HFM1: variants seen among roughly 807,000 people sequenced by gnomAD.
HFM1 encodes helicase for meiosis 1, also known as probable ATP-dependent DNA helicase HFM1.
A neutral mutation model predicts 192.1 loss-of-function variants in HFM1; 169 were observed. That is an observed-to-expected ratio of 0.88 (90% confidence interval 0.78 to 1.00). The LOEUF is 1.00. Among genes scored for constraint, HFM1 ranks in the 50% least tolerant of loss-of-function variants. HFM1 has a pLI of 0.00. For synonymous variants in HFM1, 525 were observed against 537.8 expected (o/e 0.98, Z 0.33); for missense variants, 1,661 against 1,668.0 (o/e 1.00, Z 0.07).
Position 91,351,575 on chromosome 1 carries a change from T to C in HFM1, c.2046A>G (p.Leu682=), listed in dbSNP as rs771259883. Residue 682 remains leucine, a synonymous_variant, in exon 17 of 39, where the codon TTA becomes TTG. Transcript: ENST00000370425. The stretch of plus-strand genomic sequence containing the variant: ...TGCTTTCTACAGTGTCTCTACAAGC[T>C]AACATCTGAATGTACTTGTCCCTTG... ...LSTRDKYIQM[L]ACRDTVESSL... 3.1e-6 allele frequency: 5 copies of C among 1,594,952 alleles called. No homozygotes were observed. Among genetic ancestry groups the C allele is most frequent in the Non-Finnish European group, 4.3e-6 (5 of 1,168,360 alleles).
chr1:91,362,154 C>T (rs939295690), intron 13 of HFM1, among the ~76,000 whole-genome samples: 2 of 152,154 alleles, frequency 1.3e-5, no homozygotes, highest in Non-Finnish European at 2.9e-5. Context: ...TCCCTTCTCT[C>T]ACCACTCCTA....
chr1:91,289,231 G>A (rs576086354), intron 30 of HFM1, among the ~76,000 whole-genome samples: 21 of 151,722 alleles, frequency 1.4e-4, no homozygotes, highest in African/African-American at 4.8e-4. Flanking sequence ...ACGGGGTCGC[G>A]GCCGGACAGA....
upstream of HFM1, among the ~76,000 whole-genome samples, chr1:91,407,228 G>A (rs1664845685): frequency 6.6e-6 from 1 of 152,108 alleles, no homozygotes; most frequent in Admixed American, 6.5e-5. Context: ...GCTGGGGGAA[G>A]GATAGCATTG....
rs72970366 is a variant in HFM1 at position 91,388,256 on chromosome 1, C to T, written c.495-2422G>A. 2.3e-3 allele frequency among the ~76,000 whole-genome samples: 355 copies of T among 152,188 alleles called. 1 individual carries two copies. The highest frequency in any genetic ancestry group is 8.0e-3 in the African/African-American group (334 of 41,518). On this transcript the variant is annotated intron_variant, in intron 4 of 38. Transcript: ENST00000370425. ...TGGGAAGCCTCAAATTTGTAGTTGG[C>T]CAGACAGAAATGTGGGTAGCCTGGG...
In HFM1 at chr1:91,316,383, A is replaced by AT; in HGVS notation, c.2898+7dup. Reference sequence around the variant, plus strand: ...TAGATGGAATTAGGAATAAGTGAATATAACTACCAATTCAAGTTCCCTTGC... The same window carrying AT: ...TAGATGGAATTAGGAATAAGTGAATATTAACTACCAATTCAAGTTCCCTTGC... On this transcript the variant is annotated splice_region_variant and intron_variant, in intron 26 of 38. Transcript: ENST00000370425. The AT allele has an allele frequency of 6.8e-7, 1 of 1,464,632 alleles. No homozygotes were observed. The highest frequency in any genetic ancestry group is 1.4e-5 in the African/African-American group (1 of 71,264). The allele number at this position is 1,464,632 out of a possible 1,614,324, so 90.7% of individuals were successfully genotyped here.
At chr1:91,297,337 C>A (rs574946062) in intron 30 of HFM1, among the ~76,000 whole-genome samples, 10 of 152,360 alleles carry the variant, frequency 6.6e-5, no homozygotes, top group African/African-American at 2.4e-4. Flanking sequence ...AGGAGGCCTG[C>A]CTGCCTCTGC....
chr1:91,264,465 C>T (rs556318824), intron 36 of HFM1, among the ~76,000 whole-genome samples: 5 of 140,804 alleles, frequency 3.6e-5, no homozygotes, highest in South Asian at 2.3e-4. Flanking sequence ...CTCCGCCTCC[C>T]GGGTTCACGC....
At chr1:91,297,816 G>A (rs1647909446) in intron 30 of HFM1, among the ~76,000 whole-genome samples, 1 of 152,148 alleles carries the variant, frequency 6.6e-6, no homozygotes, top group South Asian at 2.1e-4. Context: ...AAGACCAAAG[G>A]TAGATAAGAC....
At chr1:91,302,865 A>G (rs563374656) in intron 30 of HFM1, among the ~76,000 whole-genome samples, 171 of 152,258 alleles carry the variant, frequency 1.1e-3, no homozygotes, top group African/African-American at 4.0e-3. Context: ...GCACACCAAC[A>G]TGGCACATGT....
rs531202416 is a variant in HFM1 at position 91,370,751 on chromosome 1, C to T, written c.1685+4607G>A. On this transcript the variant is annotated intron_variant, in intron 13 of 38. Transcript: ENST00000370425. ...GGAAGTTCTGGCCAGGGCAATCAGG[C>T]AGGAGAAAGAAATAAAGGGTATTCA... 5.6e-4 allele frequency among the ~76,000 whole-genome samples: 85 copies of T among 152,134 alleles called. 2 individuals are homozygous for T. In the South Asian group the frequency reaches 9.6e-3, roughly 17 times the overall value.
At chr1:91,290,556 C>A (rs1668625792) in intron 30 of HFM1, among the ~76,000 whole-genome samples, 1 of 152,082 alleles carries the variant, frequency 6.6e-6, no homozygotes, top group Non-Finnish European at 1.5e-5. Context: ...TAAAGCAAGT[C>A]CTGAGTGACC....
Position 91,312,533 on chromosome 1 carries a change from T to C in HFM1, c.3391+816A>G, listed in dbSNP as rs151058529. ...CTTTGTTTTGGCCAATTTCTCCCAT[T>C]TGGAATGACTGTATTTACCCAATAT... On this transcript the variant is annotated intron_variant, in intron 30 of 38. Transcript: ENST00000370425. 2.1e-3 allele frequency among the ~76,000 whole-genome samples: 323 copies of C among 152,280 alleles called. 1 individual carries two copies. The highest frequency in any genetic ancestry group is 7.3e-3 in the African/African-American group (305 of 41,560).
intron 30 of HFM1, among the ~76,000 whole-genome samples, chr1:91,298,257 A>G (rs980728591): frequency 6.6e-6 from 1 of 152,136 alleles, no homozygotes; most frequent in Non-Finnish European, 1.5e-5. Context: ...AAAAAGAAAC[A>G]AACAAAGCCT....
chr1:91,403,067 C>A (rs1664473508), intron 1 of HFM1, among the ~76,000 whole-genome samples: 1 of 152,062 alleles, frequency 6.6e-6, no homozygotes, highest in South Asian at 2.1e-4. Flanking sequence ...AAAAAACACC[C>A]CTTATCTAAA....
At chr1:91,393,340 ACTT>A (rs917615804) in intron 4 of HFM1, among the ~76,000 whole-genome samples, 2 of 152,044 alleles carry the variant, frequency 1.3e-5, no homozygotes, top group Non-Finnish European at 2.9e-5. Flanking sequence ...AATCAACTAA[ACTT>A]CTTCTGAATC....
intron 20 of HFM1, among the ~76,000 whole-genome samples, chr1:91,327,226 T>TA (rs1185409707): frequency 2.6e-5 from 4 of 152,106 alleles, no homozygotes; most frequent in Non-Finnish European, 5.9e-5. Flanking sequence ...TAAAAATACA[T>TA]AGACTGAGGC....
intron 2 of HFM1, among the ~76,000 whole-genome samples, chr1:91,396,939 T>A (rs1030637582): frequency 3.3e-5 from 5 of 152,138 alleles, no homozygotes; most frequent in Non-Finnish European, 7.4e-5. Context: ...CTGACTTCTG[T>A]CAGATCAGCA....
Position 91,303,154 on chromosome 1 carries a change from A to G in HFM1, c.3391+10195T>C, listed in dbSNP as rs188168615. ...ACCATACATACAAAAAACCCACCAT[A>G]TAACTATTATTAGTCATTCCTCATT... On this transcript the variant is annotated intron_variant, in intron 30 of 38. Coordinates refer to ENST00000370425, the MANE Select transcript of HFM1 (RefSeq NM_001017975.6). Among the ~76,000 whole-genome samples, 572 of 152,284 alleles carry G rather than the reference A, an allele frequency of 3.8e-3. 1 individual carries two copies. The highest frequency in any genetic ancestry group is 4.4e-3 in the Non-Finnish European group (297 of 68,006).
chr1:91,301,363 G>A (rs1157948642), intron 30 of HFM1, among the ~76,000 whole-genome samples: 3 of 138,708 alleles, frequency 2.2e-5, no homozygotes, highest in Non-Finnish European at 3.1e-5. Flanking sequence ...ACTGCCCAAG[G>A]TAATTTATAG....
Sources: allele counts gnomAD v4.1 joint callset (sites outside exome capture counted in the v4.1 genomes callset), GRCh38; gene constraint gnomAD v4.1.1; transcripts MANE v1.5; gene names NCBI Gene and HGNC (gene_info 2026-07-23, HGNC 2026-07-21).